The following NAALADL2 variants were observed in gnomAD, a reference collection of about 807,000 sequenced individuals.
NAALADL2 encodes N-acetylated alpha-linked acidic dipeptidase like 2, also known as inactive N-acetylated-alpha-linked acidic dipeptidase-like protein 2.
In NAALADL2, 76 loss-of-function variants were observed where a neutral mutation model predicts 87.2. The ratio of observed to expected loss-of-function variants is 0.87; its 90% CI spans 0.72 to 1.05. The LOEUF (loss-of-function observed/expected upper bound fraction) is 1.05, where lower values mean the gene tolerates loss of function less well. Ranked by LOEUF, NAALADL2 falls within the 50% of genes least tolerant of loss-of-function variation. The pLI, the probability that NAALADL2 is intolerant of heterozygous loss-of-function variation, is 0.00. For missense variants in NAALADL2, 1,089 were observed against 945.8 expected (o/e 1.15, Z -1.99); for synonymous variants, 354 against 331.0 (o/e 1.07, Z -0.75).
chr3:174,919,978 G>GT (rs973987642), intron 1 of NAALADL2, among the ~76,000 whole-genome samples: 13 of 152,240 alleles, frequency 8.5e-5, no homozygotes, highest in African/African-American at 3.1e-4. Context: ...GAAATAAATA[G>GT]TTTTTTCTGA....
chr3:175,717,817 T>G (rs1158480829), intron 11 of NAALADL2, among the ~76,000 whole-genome samples: 7 of 145,648 alleles, frequency 4.8e-5, no homozygotes, highest in Non-Finnish European at 1.5e-5. Flanking sequence ...TTTTTTTTTT[T>G]TTTTTTTTTG....
intron 9 of NAALADL2, among the ~76,000 whole-genome samples, chr3:175,557,914 G>A (rs1715550342): frequency 6.6e-6 from 1 of 152,070 alleles, no homozygotes; most frequent in Admixed American, 6.5e-5. Flanking sequence ...TCTAATCAGG[G>A]CCGGGCGCGG....
At chr3:174,445,816 C>A (rs987707227) in intron 1 of NAALADL2, among the ~76,000 whole-genome samples, 2 of 151,908 alleles carry the variant, frequency 1.3e-5, no homozygotes, top group Non-Finnish European at 2.9e-5. Context: ...AAAAAACATG[C>A]GATTATATGA....
intron 2 of NAALADL2, among the ~76,000 whole-genome samples, chr3:174,594,138 A>T (rs369507728): frequency 5.3e-5 from 8 of 152,150 alleles, no homozygotes; most frequent in African/African-American, 1.9e-4. Flanking sequence ...AAAACTCCTT[A>T]TACAAGTTTA....
chr3:174,500,205 A>G (rs1326754028), intron 1 of NAALADL2, among the ~76,000 whole-genome samples: 2 of 152,002 alleles, frequency 1.3e-5, no homozygotes, highest in Non-Finnish European at 2.9e-5. Flanking sequence ...TTTTTTCTAA[A>G]TTCGAATTTC....
At chr3:175,368,894 T>C (rs1047978126) in intron 5 of NAALADL2, among the ~76,000 whole-genome samples, 5 of 152,094 alleles carry the variant, frequency 3.3e-5, no homozygotes, top group Admixed American at 6.6e-5. Context: ...CGAAATATGA[T>C]ATAAAAGATT....
At chr3:175,581,489 AT>A (rs781362710) in intron 10 of NAALADL2, among the ~76,000 whole-genome samples, 10 of 152,296 alleles carry the variant, frequency 6.6e-5, no homozygotes, top group Admixed American at 3.3e-4. Flanking sequence ...TTGGATTTTC[AT>A]ACCTGTTCCT....
intron 1 of NAALADL2, among the ~76,000 whole-genome samples, chr3:174,953,220 G>T (rs1740636901): frequency 1.3e-5 from 2 of 150,450 alleles, no homozygotes; most frequent in Admixed American, 6.7e-5. Context: ...CAACTGCTTT[G>T]CTACATGGGC....
At chr3:174,456,978 T>TA (rs1459018362) in intron 1 of NAALADL2, among the ~76,000 whole-genome samples, 1 of 152,120 alleles carries the variant, frequency 6.6e-6, no homozygotes, top group Non-Finnish European at 1.5e-5. Flanking sequence ...ACAGGACTAA[T>TA]ATCAAGCATC....
intron 1 of NAALADL2, among the ~76,000 whole-genome samples, chr3:175,022,983 T>G (rs1751752699): frequency 6.6e-6 from 1 of 152,004 alleles, no homozygotes. Context: ...TTTCCCAGAG[T>G]TGGTTGTTTT....
At chr3:175,426,764 A>G (rs1386744178) in intron 5 of NAALADL2, among the ~76,000 whole-genome samples, 2 of 152,146 alleles carry the variant, frequency 1.3e-5, no homozygotes, top group African/African-American at 2.4e-5. Context: ...ACTCAACTTC[A>G]CAGCTTTATC....
chr3:175,718,195 GTTTTTTTTTTTTTTT>G (rs1244400650), intron 11 of NAALADL2: 1 of 821,836 alleles, frequency 1.2e-6, no homozygotes, highest in Non-Finnish European at 1.7e-6. Context: ...AGGGCCTGTG[GTTTTTTTTTTTTTTT>G]TTTTTTTTTT....
intron 4 of NAALADL2, among the ~76,000 whole-genome samples, chr3:175,314,960 G>T (rs916082780): frequency 2.0e-5 from 3 of 151,860 alleles, no homozygotes; most frequent in Non-Finnish European, 4.4e-5. Context: ...TAAGGTTCCT[G>T]CTTCAAGCCA....
intron 3 of NAALADL2, among the ~76,000 whole-genome samples, chr3:174,835,563 C>T (rs371005859): frequency 2.6e-5 from 4 of 152,016 alleles, no homozygotes; most frequent in African/African-American, 9.7e-5. Context: ...GGTGAAAAGG[C>T]TACCTACAGA....
chr3:175,644,912 A>G (rs779002590), intron 11 of NAALADL2, among the ~76,000 whole-genome samples: 17 of 152,186 alleles, frequency 1.1e-4, no homozygotes, highest in Non-Finnish European at 1.5e-4. Flanking sequence ...TCCTAGTTTT[A>G]CAGTTGTTTA....
intron 9 of NAALADL2, among the ~76,000 whole-genome samples, chr3:175,482,692 G>T (rs4894488): frequency 0.6 from 91,507 of 151,616 alleles, 29,657 homozygotes; most frequent in East Asian, 0.89. Context: ...TAATTTTGTT[G>T]AGATTATCTC....
intron 1 of NAALADL2, among the ~76,000 whole-genome samples, chr3:175,051,126 G>T (rs1416277849): frequency 1.3e-5 from 2 of 152,172 alleles, no homozygotes; most frequent in Non-Finnish European, 2.9e-5. Context: ...GGGTCCTGTA[G>T]ATTGAGGATG....
intron 3 of NAALADL2, among the ~76,000 whole-genome samples, chr3:174,756,482 T>C (rs73174726): frequency 0.016 from 2,384 of 152,370 alleles, 35 homozygotes; most frequent in Non-Finnish European, 0.024. Context: ...ATTATTTTTA[T>C]AATGGCTTTA....
intron 6 of NAALADL2, among the ~76,000 whole-genome samples, chr3:175,449,817 T>C (rs770098223): frequency 1.3e-5 from 2 of 152,160 alleles, no homozygotes; most frequent in Non-Finnish European, 2.9e-5. Context: ...TATACACCCA[T>C]GTTAAAGCAA....
Sources: allele counts gnomAD v4.1 joint callset (sites outside exome capture counted in the v4.1 genomes callset), GRCh38; gene constraint gnomAD v4.1.1; transcripts MANE v1.5; gene names NCBI Gene and HGNC (gene_info 2026-07-23, HGNC 2026-07-21).